The following SLC2A11 variants were observed in gnomAD, a reference collection of about 807,000 sequenced individuals.
SLC2A11 encodes the protein solute carrier family 2 member 11, also known as solute carrier family 2, facilitated glucose transporter member 11.
In SLC2A11, 43 loss-of-function variants were observed where a neutral mutation model predicts 52.1. That is an observed-to-expected ratio of 0.82 (90% confidence interval 0.65 to 1.06). SLC2A11 has a LOEUF of 1.06. SLC2A11 is among the 50% of genes least tolerant of loss of function. The pLI, the probability that SLC2A11 is intolerant of heterozygous loss-of-function variation, is 0.00. For missense variants in SLC2A11, 582 were observed against 654.2 expected (o/e 0.89, Z 1.20); for synonymous variants, 261 against 277.6 (o/e 0.94, Z 0.59).
At chr22:23,875,434 T>G (rs1223335049) in intron 4 of SLC2A11, among the ~76,000 whole-genome samples, 193 bp downstream of exon 4, 2 of 152,042 alleles carry the variant, frequency 1.3e-5, no homozygotes, top group Non-Finnish European at 2.9e-5. Flanking sequence ...ATATTTAAAG[T>G]AGGTACAGAA....
intron 1 of SLC2A11, among the ~76,000 whole-genome samples, chr22:23,860,844 G>A (rs1240629886): frequency 8.9e-6 from 1 of 111,902 alleles, no homozygotes; most frequent in Non-Finnish European, 1.8e-5. Context: ...AACACGCCCA[G>A]CTAATTTTTT....
chr22:23,869,809 G>A, intron 3 of SLC2A11: 3 of 578,430 alleles, frequency 5.2e-6, no homozygotes, highest in Non-Finnish European at 9.2e-6. Context: ...TACCGTGAGG[G>A]CTACTCTTTC....
intron 5 of SLC2A11, chr22:23,877,501 G>A (rs1487551759): frequency 2.6e-6 from 2 of 776,604 alleles, no homozygotes; most frequent in Non-Finnish European, 4.5e-6. Flanking sequence ...TGGACCCTTG[G>A]GAAGAGGAGT....
In SLC2A11 at chr22:23,870,393, G is replaced by C. The variant is rs2032414255; in HGVS notation, c.290+1752G>C. The C allele has an allele frequency of 1.5e-5, 4 of 262,036 alleles. No homozygotes were observed. The South Asian group carries it at 2.2e-4, about 14-fold the overall frequency. 16.2% of individuals were successfully genotyped at this position (262,036 alleles called of 1,614,324 possible). On this transcript the variant is annotated intron_variant, in intron 3 of 11. Transcript: ENST00000316185. ...TGGAGCTCTGAAATGTGTTGCCATTGTTGGGTGCTCAGGGTTGGTTGTGTA... is the reference window on the plus strand; with the variant it reads ...TGGAGCTCTGAAATGTGTTGCCATTCTTGGGTGCTCAGGGTTGGTTGTGTA...
At chr22:23,857,087 T>C (rs886330788), upstream of SLC2A11, 12 of 376,272 alleles carry the variant, frequency 3.2e-5, no homozygotes, top group African/African-American at 4.9e-5. Context: ...GGGGGGGGGG[T>C]GTAGGTGGGG....
chr22:23,884,823 G>A lies in SLC2A11; in HGVS notation c.1474G>A (p.Glu492Lys). Residue 492 changes from glutamate (E) to lysine (K), a missense_variant, in exon 12 of 12, where the codon GAG (glutamate) becomes AAG (lysine). By Grantham distance (56) the Glu-to-Lys change is moderately conservative. Coordinates refer to ENST00000316185, the MANE Select transcript of SLC2A11 (RefSeq NM_001024939.4). The surrounding 1 kb of genome is among the most constrained non-coding windows in gnomAD (Gnocchi z 4.3). The part of the protein sequence containing the change: ...RAQGPTWRSL[E>K]VIQSTEL ...CCAGGGCCCCACGTGGAGGAGCCTG[G>A]AGGTTATCCAGTCAACAGAACTCTA... 1 of 1,614,168 alleles carries A rather than the reference G, an allele frequency of 6.2e-7. No homozygotes were observed. The highest frequency in any genetic ancestry group is 2.2e-5 in the East Asian group (1 of 44,882).
Position 23,882,863 on chromosome 22 carries a change from TGTTA to T in SLC2A11, c.990_993del (p.Ser331ValfsTer3). ...GGAGCTGCGAGCTGCTCACGGCGGT[TGTTA>T]GTGTGAGTCTGGAGGGTGCCCTTCC... On this transcript the variant is annotated frameshift_variant and splice_region_variant, in exon 8 of 12. Transcript: ENST00000316185. LOFTEE classifies it high-confidence loss of function. The T allele has an allele frequency of 6.2e-7, 1 of 1,600,302 alleles. No individual in the cohort carries two copies.
At position 23,870,073 on chromosome 22, in the gene SLC2A11, C is replaced by T. The variant is rs1439939502; in HGVS notation, c.290+1432C>T. On this transcript the variant is annotated intron_variant, in intron 3 of 11. Transcript: ENST00000316185. ...ACCTGAATTTTGGAAGAGACACAAA[C>T]CTTCAAACCATAGCACCAGCACTGG... 6 of 717,042 alleles carry T rather than the reference C, an allele frequency of 8.4e-6. No individual in the cohort carries two copies. In the East Asian group the frequency reaches 1.3e-4, roughly 16 times the overall value. 44.4% of individuals were successfully genotyped at this position (717,042 alleles called of 1,614,324 possible).
intron 3 of SLC2A11, chr22:23,869,846 G>A (rs569989391): frequency 1.7e-6 from 1 of 602,572 alleles, no homozygotes; most frequent in Non-Finnish European, 3.0e-6. Flanking sequence ...CCTTGTCCCT[G>A]TGTCCTCACA....
At chr22:23,882,223 G>A in intron 6 of SLC2A11, 1 of 576,120 alleles carries the variant, frequency 1.7e-6, no homozygotes, top group Non-Finnish European at 3.1e-6. Flanking sequence ...CAGACACAGA[G>A]ACAGAGAGAT....
At chr22:23,864,152 T>C (rs1403480242) in intron 2 of SLC2A11, among the ~76,000 whole-genome samples, 3 of 152,090 alleles carry the variant, frequency 2.0e-5, no homozygotes, top group African/African-American at 7.2e-5. Context: ...GGTGATCACC[T>C]TTATGGGGAA....
chr22:23,874,453 ATTTT>A (rs35493116), intron 3 of SLC2A11, among the ~76,000 whole-genome samples: 1 of 144,348 alleles, frequency 6.9e-6, no homozygotes. Context: ...TGCATGGCTA[ATTTT>A]TTTTTTTTTT....
In SLC2A11 at chr22:23,875,261, C is replaced by T. The variant is rs754633051; in HGVS notation, c.415+20C>T. 13 of 1,404,330 alleles carry T rather than the reference C, an allele frequency of 9.3e-6. No individual in the cohort carries two copies. The highest frequency in any genetic ancestry group is 9.0e-5 in the South Asian group (5 of 55,280). The allele number at this position is 1,404,330 out of a possible 1,614,324, so 87.0% of individuals were successfully genotyped here. ...ATGCAGGTATGGGGTGGGGGCTTCT[C>T]ATCCTGCCTCTCTATGCCTATTAAT... On this transcript the variant is annotated intron_variant, in intron 4 of 11. Coordinates refer to ENST00000316185, the MANE Select transcript of SLC2A11 (RefSeq NM_001024939.4).
Position 23,877,741 on chromosome 22 carries a change from A to G in SLC2A11, c.566A>G (p.Gln189Arg). 6.3e-7 allele frequency: 1 copy of G among 1,599,332 alleles called. No homozygotes were observed. The part of the protein sequence containing the change: ...VGLRELLGGP[Q>R]AWPLLLASCL... ...CTTAGGGAGCTCCTAGGTGGCCCTC[A>G]GGCCTGGCCCCTGCTGCTGGCCAGC... Residue 189 changes from glutamine to arginine, a missense_variant, in exon 6 of 12, where the codon CAG becomes CGG. By Grantham distance (43) the Gln-to-Arg change is conservative. Coordinates refer to ENST00000316185, the MANE Select transcript of SLC2A11 (RefSeq NM_001024939.4).
Position 23,884,604 on chromosome 22 carries a change from G to C in SLC2A11, c.1300-45G>C. On this transcript the variant is annotated intron_variant, in intron 11 of 11. Coordinates refer to ENST00000316185, the MANE Select transcript of SLC2A11 (RefSeq NM_001024939.4). The surrounding 1 kb of genome is among the most constrained non-coding windows in gnomAD (Gnocchi z 4.3). ...CCTGTCATGGGCCTTCTGTTTAGGG[G>C]TTGATGGAGACACACCAGGTCTTGG... is the stretch of plus-strand genomic sequence containing the variant. 6.3e-7 allele frequency: 1 copy of C among 1,585,544 alleles called. No individual in the cohort carries two copies. The highest frequency in any genetic ancestry group is 8.6e-7 in the Non-Finnish European group (1 of 1,165,372).
intron 6 of SLC2A11, among the ~76,000 whole-genome samples, chr22:23,879,317 G>A (rs1429653487): frequency 6.6e-6 from 1 of 152,128 alleles, no homozygotes; most frequent in Non-Finnish European, 1.5e-5. Context: ...CTGGAGTGGT[G>A]TGATCTCAGC....
At chr22:23,869,768 T>C (rs1000394722) in intron 3 of SLC2A11, 9 of 522,962 alleles carry the variant, frequency 1.7e-5, no homozygotes, top group Admixed American at 3.7e-5. Context: ...GGCTGTGAAG[T>C]CCAAGATCAA....
rs147844312 is a variant in SLC2A11 at position 23,877,046 on chromosome 22, G to T, written c.420G>T (p.Val140=). Residue 140 remains valine (V), a synonymous_variant, in exon 5 of 12, where the codon GTG becomes GTT. Coordinates refer to ENST00000316185, the MANE Select transcript of SLC2A11 (RefSeq NM_001024939.4). ...GRLLVGVNAG[V]SMNIQPMYLG... Reference sequence around the variant, plus strand: ...CTCTGCTGTGCACACGTCCAGGTGTGAGCATGAACATCCAGCCCATGTACC... The same window carrying T: ...CTCTGCTGTGCACACGTCCAGGTGTTAGCATGAACATCCAGCCCATGTACC... The T allele has an allele frequency of 6.2e-7, 1 of 1,613,968 alleles. No individual in the cohort carries two copies. Among genetic ancestry groups the T allele is most frequent in the East Asian group, 2.2e-5 (1 of 44,882 alleles).
chr22:23,883,365 C>A, intron 8 of SLC2A11: 1 of 302,646 alleles, frequency 3.3e-6, no homozygotes, highest in Non-Finnish European at 6.2e-6. Flanking sequence ...TAGCTACTGG[C>A]GAGGCTGAGG....
Sources: gnomAD v4.1 joint callset for allele counts (sites outside exome capture counted in the v4.1 genomes callset) on GRCh38, gnomAD v4.1.1 for gene constraint, Gnocchi (gnomAD v3.1) non-coding constraint, MANE v1.5 for transcripts, NCBI Gene and HGNC (gene_info 2026-07-23, HGNC 2026-07-21) for gene names.